The following CRTC1 variants were observed in gnomAD, a reference collection of about 807,000 sequenced individuals.
CRTC1 encodes the protein CREB-regulated transcription coactivator 1.
A neutral mutation model predicts 66.1 loss-of-function variants in CRTC1; 18 were observed. That is an observed-to-expected ratio of 0.27 (90% CI 0.19 to 0.40). The LOEUF (loss-of-function observed/expected upper bound fraction) is 0.40. CRTC1 is among the 10% of genes least tolerant of loss of function. The pLI is 1.00. For synonymous variants in CRTC1, 416 were observed against 398.8 expected (o/e 1.04, Z -0.51); for missense variants, 669 against 887.9 (o/e 0.75, Z 3.13).
At chr19:18,770,432 C>G (rs1460851571) in intron 10 of CRTC1, among the ~76,000 whole-genome samples, 1 of 152,224 alleles carries the variant, frequency 6.6e-6, no homozygotes, top group African/African-American at 2.4e-5. Flanking sequence ...TTCACTCAGT[C>G]CCCACCCCCA....
intron 1 of CRTC1, among the ~76,000 whole-genome samples, chr19:18,710,485 C>T (rs562321856): frequency 3.3e-5 from 5 of 149,886 alleles, no homozygotes; most frequent in Admixed American, 6.6e-5. Flanking sequence ...CAGTGTGAGT[C>T]GGCGGCCGGC....
intron 1 of CRTC1, among the ~76,000 whole-genome samples, chr19:18,702,193 C>G (rs1336067933): frequency 6.6e-6 from 1 of 150,962 alleles, no homozygotes; most frequent in Non-Finnish European, 1.5e-5. Flanking sequence ...AAAGTGCTGG[C>G]ATTACAGGCG....
chr19:18,769,110 G>A (rs749818589), intron 10 of CRTC1, among the ~76,000 whole-genome samples: 7 of 152,234 alleles, frequency 4.6e-5, no homozygotes, highest in Non-Finnish European at 1.0e-4. Context: ...GGCTTCCTAG[G>A]AGGCAAGAAG....
In CRTC1 at chr19:18,749,985, A is replaced by C. The variant is rs2054327833; in HGVS notation, c.538+110A>C. The C allele has an allele frequency of 4.8e-6, 4 of 827,808 alleles. No homozygotes were observed. In the South Asian group the frequency reaches 5.9e-5, roughly 12 times the overall value. The allele number at this position is 827,808 out of a possible 1,614,324, so 51.3% of individuals were successfully genotyped here. A position where few individuals can be genotyped will look rare whatever the true frequency, so the allele number is the denominator to read the frequency against. On this transcript the variant is annotated intron_variant, in intron 5 of 13. Transcript: ENST00000321949. ...TGGGCAGATGGCTCTTCAAAGGAAG[A>C]CTCAGACCATGCTGAGGGATCGGGG...
chr19:18,756,965 T>C (rs2054502084), intron 6 of CRTC1, among the ~76,000 whole-genome samples: 1 of 152,196 alleles, frequency 6.6e-6, no homozygotes, highest in African/African-American at 2.4e-5. Flanking sequence ...CAGAAACCCA[T>C]TCAGCCGGCG....
chr19:18,747,651 C>T (rs1457384719), intron 4 of CRTC1, among the ~76,000 whole-genome samples: 1 of 151,954 alleles, frequency 6.6e-6, no homozygotes, highest in African/African-American at 2.4e-5. Context: ...GAAAGTGGGA[C>T]GATACCGCAT....
chr19:18,749,064 A>C (rs920374508), intron 4 of CRTC1, among the ~76,000 whole-genome samples: 3 of 151,832 alleles, frequency 2.0e-5, no homozygotes, highest in Admixed American at 2.0e-4. Flanking sequence ...CTGGGGACCC[A>C]CTCTTGAGGC....
chr19:18,725,810 C>T (rs1432045929), intron 1 of CRTC1, among the ~76,000 whole-genome samples: 2 of 152,210 alleles, frequency 1.3e-5, no homozygotes, highest in Non-Finnish European at 2.9e-5. Flanking sequence ...TCCTGGCTTA[C>T]AGGGTCCGCC....
intron 1 of CRTC1, among the ~76,000 whole-genome samples, chr19:18,737,688 G>A (rs1423236580): frequency 6.6e-6 from 1 of 151,904 alleles, no homozygotes; most frequent in South Asian, 2.1e-4. Flanking sequence ...ATTCTCTCCC[G>A]CCTCTGTCAT....
Position 18,760,087 on chromosome 19 carries a change from C to G in CRTC1, c.745C>G (p.Leu249Val). The change falls in exon 8 of 14, where the codon CTG (leucine) becomes GTG (valine). Residue 249 changes from leucine (L) to valine (V), a missense_variant. Coordinates refer to ENST00000321949, the MANE Select transcript of CRTC1 (RefSeq NM_015321.3). This position sits in a 1 kb window ranked among gnomAD's most constrained non-coding sequence, Gnocchi z 6.2. ...THNTGGSLPDLTNIHFPSPLP... is the reference protein window; with the variant it reads ...THNTGGSLPDVTNIHFPSPLP... ...CAACACAGGGGGGTCCCTGCCCGAC[C>G]TGACCAACATCCACTTCCCCTCCCC... 6.2e-7 allele frequency: 1 copy of G among 1,613,918 alleles called. No homozygotes were observed.
In CRTC1 at chr19:18,781,571, A is replaced by G. The variant is rs2055104500; in HGVS notation, c.*4189A>G. 7 of 229,152 alleles carry G rather than the reference A, an allele frequency of 3.1e-5. No homozygotes were observed. Among genetic ancestry groups the G allele is most frequent in the South Asian group, 3.7e-4 (2 of 5,472 alleles). The allele number at this position is 229,152 out of a possible 1,614,324, so 14.2% of individuals were successfully genotyped here. Reference sequence around the variant, plus strand: ...CAGACACCATTCTCCCCCTGGGAGCAGGAGGTGGAGTAAGTTGTACCCCCA... The same window carrying G: ...CAGACACCATTCTCCCCCTGGGAGCGGGAGGTGGAGTAAGTTGTACCCCCA... On this transcript the variant is annotated 3_prime_UTR_variant, in exon 14 of 14. Transcript: ENST00000321949.
intron 11 of CRTC1, among the ~76,000 whole-genome samples, chr19:18,774,417 C>G (rs1239152473): frequency 6.6e-6 from 1 of 152,250 alleles, no homozygotes; most frequent in Non-Finnish European, 1.5e-5. Context: ...GCTCTCTCAG[C>G]TGGTGGCTGG....
intron 5 of CRTC1, among the ~76,000 whole-genome samples, chr19:18,752,802 C>G (rs2054395923): frequency 6.6e-6 from 1 of 151,788 alleles, no homozygotes; most frequent in Non-Finnish European, 1.5e-5. Context: ...TATGCCCGGC[C>G]AATTTTTGTA....
intron 1 of CRTC1, among the ~76,000 whole-genome samples, chr19:18,706,160 C>T (rs1600796595): frequency 1.7e-5 from 1 of 59,180 alleles, no homozygotes; most frequent in Non-Finnish European, 3.4e-5. Flanking sequence ...TATTTCTGGG[C>T]TTTCTATTCT....
intron 12 of CRTC1, among the ~76,000 whole-genome samples, chr19:18,775,243 AG>A (rs985148133): frequency 3.3e-5 from 5 of 152,078 alleles, no homozygotes; most frequent in Non-Finnish European, 5.9e-5. Flanking sequence ...GCAGAGGGTG[AG>A]GGGGGGCAGG....
intron 1 of CRTC1, among the ~76,000 whole-genome samples, chr19:18,735,357 G>T (rs576259230): frequency 6.6e-6 from 1 of 152,184 alleles, no homozygotes; most frequent in Non-Finnish European, 1.5e-5. Flanking sequence ...TGGCCTGGAG[G>T]GTGTTCACCT....
At chr19:18,758,936 G>A (rs975399317) in intron 6 of CRTC1, among the ~76,000 whole-genome samples, 3 of 152,204 alleles carry the variant, frequency 2.0e-5, no homozygotes, top group African/African-American at 2.4e-5. Context: ...ACTTAGCCTC[G>A]GGTACCAGGG....
intron 1 of CRTC1, among the ~76,000 whole-genome samples, chr19:18,725,719 C>T (rs2053735531): frequency 1.3e-5 from 2 of 152,212 alleles, no homozygotes; most frequent in Admixed American, 1.3e-4. Context: ...TCTTTCTCCT[C>T]TTCTGAGTCT....
intron 1 of CRTC1, among the ~76,000 whole-genome samples, chr19:18,730,612 C>G (rs1307356674): frequency 6.6e-6 from 1 of 152,146 alleles, no homozygotes; most frequent in Non-Finnish European, 1.5e-5. Context: ...TCTCTGCTCC[C>G]TGTGTCCAGC....
Sources: gnomAD v4.1 joint callset for allele counts (sites outside exome capture counted in the v4.1 genomes callset) on GRCh38, gnomAD v4.1.1 for gene constraint, Gnocchi (gnomAD v3.1) non-coding constraint, MANE v1.5 for transcripts, NCBI Gene and HGNC (gene_info 2026-07-23, HGNC 2026-07-21) for gene names.